IQCE: variants seen among roughly 807,000 people sequenced by gnomAD.
IQCE encodes the protein IQ domain-containing protein E.
Under a neutral mutation model 96.0 loss-of-function variants are expected in IQCE, and 115 were observed. The observed-to-expected ratio is 1.20, with a 90% CI of 1.03 to 1.40. IQCE has a LOEUF of 1.40. Ranked by LOEUF, IQCE falls within the 40% of genes most tolerant of loss-of-function variation. IQCE has a pLI of 0.00. For missense variants in IQCE, 1,041 were observed against 909.1 expected, an observed-to-expected ratio of 1.15 and a Z score of -1.87; for synonymous variants, 412 against 371.2, an observed-to-expected ratio of 1.11 and a Z score of -1.26.
At position 2,586,543 on chromosome 7, in the gene IQCE, C is replaced by T. The variant is rs549698380; in HGVS notation, c.988+172C>T. The stretch of plus-strand genomic sequence containing the variant: ...ACCTGCCGCGGGCCACGCGATGCCC[C>T]GGGGATGGAGCCGCAAACAGAAGCT... On this transcript the variant is annotated intron_variant, in intron 12 of 21. Transcript: ENST00000402050. Among the ~76,000 whole-genome samples the T allele has an allele frequency of 3.6e-3, 541 of 152,334 alleles. 4 individuals carry two copies. The highest frequency in any genetic ancestry group is 0.012 in the African/African-American group (508 of 41,574).
At position 2,614,343 on chromosome 7, in the gene IQCE, A is replaced by G. The variant is rs988813523; in HGVS notation, c.*4181A>G. On this transcript the variant is annotated 3_prime_UTR_variant, in exon 22 of 22. Transcript: ENST00000402050. ...CAGCGTTTGCTCTCCCGTGGCTCGG[A>G]TTCTCTGAGGACCAGGGAGTTGACA... 1.8e-4 allele frequency: 27 copies of G among 152,320 alleles called. No homozygotes were observed. Among genetic ancestry groups the G allele is most frequent in the South Asian group, 4.1e-4 (2 of 4,820 alleles). 9.4% of individuals were successfully genotyped at this position (152,320 alleles called of 1,614,324 possible).
chr7:2,605,127 C>T (rs1420439549), intron 19 of IQCE, 136 bp downstream of exon 19: 4 of 642,092 alleles, frequency 6.2e-6, no homozygotes, highest in East Asian at 2.8e-5. Context: ...TGCGCTCCAT[C>T]CCTGGCCACG....
rs748177297 is a variant in IQCE at position 2,584,221 on chromosome 7, A to G, written c.775-15A>G. ...TAGCCTTGTGTTTTCATGCATTTCA[A>G]TTTGGTATTTACAGGTGCATCGTCT... On this transcript the variant is annotated splice_polypyrimidine_tract_variant and intron_variant, in intron 10 of 21. Transcript: ENST00000402050. 5.0e-6 allele frequency: 8 copies of G among 1,612,138 alleles called. No homozygotes were observed. The highest frequency in any genetic ancestry group is 1.6e-4 in the Middle Eastern group (1 of 6,084).
rs550910808 is a variant in IQCE, at chr7:2,563,213, G to A, written c.37-3903G>A. 7.9e-5 allele frequency among the ~76,000 whole-genome samples: 12 copies of A among 152,204 alleles called. No individual in the cohort carries two copies. In the South Asian group the frequency reaches 2.5e-3, roughly 32 times the overall value. ...AGTGTTGGGATTACAGGCATGAGCA[G>A]GTGCTCAGCTTGCTTTTGTTTCTTT... On this transcript the variant is annotated intron_variant, in intron 1 of 21. Transcript: ENST00000402050.
chr7:2,610,223 T>G lies in IQCE; in HGVS notation c.*61T>G. ...CTGCCGAGGACATAGGAACCACGAC[T>G]GGAAAGATAATTTATCGTGTTAGGA... On this transcript the variant is annotated 3_prime_UTR_variant, in exon 22 of 22. Coordinates refer to ENST00000402050, the MANE Select transcript of IQCE (RefSeq NM_152558.5). The G allele has an allele frequency of 1.0e-6, 1 of 954,898 alleles. No homozygotes were observed. The highest frequency in any genetic ancestry group is 1.7e-6 in the Non-Finnish European group (1 of 579,876). 59.2% of individuals were successfully genotyped at this position (954,898 alleles called of 1,614,324 possible).
Position 2,589,889 on chromosome 7 carries a change from T to C in IQCE, c.1045-18T>C, listed in dbSNP as rs202239000. On this transcript the variant is annotated intron_variant, in intron 13 of 21. Transcript: ENST00000402050. ...GAAATGAGAACTAGTATCTAACACA[T>C]GTCTGTGTTGCCTCCAGAAACTAAG... 255 of 1,603,820 alleles carry C rather than the reference T, an allele frequency of 1.6e-4. No individual in the cohort carries two copies. The highest frequency in any genetic ancestry group is 1.9e-4 in the Non-Finnish European group (222 of 1,171,368).
intron 9 of IQCE, among the ~76,000 whole-genome samples, chr7:2,583,408 C>T (rs927405753): frequency 6.6e-6 from 1 of 152,050 alleles, no homozygotes; most frequent in African/African-American, 2.4e-5. Flanking sequence ...TGGAAAGTGG[C>T]TGGTCTACAC....
intron 3 of IQCE, among the ~76,000 whole-genome samples, chr7:2,570,999 A>G (rs962808077): frequency 2.6e-5 from 4 of 152,036 alleles, no homozygotes; most frequent in Non-Finnish European, 5.9e-5. Flanking sequence ...TAGAATTCAT[A>G]TATTTCCCAT....
chr7:2,587,732 G>C, intron 12 of IQCE, 90 bp from the exon 13 acceptor site: 1 of 1,315,348 alleles, frequency 7.6e-7, no homozygotes, highest in Non-Finnish European at 1.1e-6. Context: ...TCCGGCTGCG[G>C]AAGAGGAGCC....
At chr7:2,592,337 A>G (rs958417207) in intron 14 of IQCE, among the ~76,000 whole-genome samples, 1 of 152,214 alleles carries the variant, frequency 6.6e-6, no homozygotes, top group Admixed American at 6.5e-5. Flanking sequence ...AAAAAACATT[A>G]AGGTAGTCAT....
chr7:2,605,880 C>T lies in IQCE; in HGVS notation c.1748C>T (p.Ser583Phe), dbSNP rs746714011. Residue 583 changes from serine (S) to phenylalanine (F), a missense_variant, in exon 20 of 22, where the codon TCT (serine) becomes TTT (phenylalanine). Ser to Phe is a radical substitution (Grantham distance 155). Coordinates refer to ENST00000402050, the MANE Select transcript of IQCE (RefSeq NM_152558.5). ...CCTGCTGTCCTTGCACCCCAGAGCT[C>T]TCCTGTGCCCCGCGTTCCGAGCCCC... Reference protein sequence around the residue: ...PSVPGLPDQSSPVPRVPSPIA... With the variant: ...PSVPGLPDQSFPVPRVPSPIA... 2.5e-6 allele frequency: 4 copies of T among 1,601,034 alleles called. No individual in the cohort carries two copies. Among genetic ancestry groups the T allele is most frequent in the Middle Eastern group, 1.7e-4 (1 of 5,972 alleles).
At chr7:2,595,043 C>A (rs897041736) in intron 16 of IQCE, 67 bp downstream of exon 16, 1 of 1,113,698 alleles carries the variant, frequency 9.0e-7, no homozygotes, top group South Asian at 1.2e-5. Context: ...CGGTTCTGAC[C>A]GTTTCCCTGT....
At chr7:2,602,509 C>T (rs1305993907) in intron 18 of IQCE, among the ~76,000 whole-genome samples, 1 of 152,192 alleles carries the variant, frequency 6.6e-6, no homozygotes, top group East Asian at 1.9e-4. Context: ...CGCTGGGCCA[C>T]AGGGCTTCTC....
Position 2,611,847 on chromosome 7 carries a change from TC to T in IQCE, c.*1687del, listed in dbSNP as rs772379126. 6.6e-6 allele frequency: 1 copy of T among 152,248 alleles called. No individual in the cohort carries two copies. Among genetic ancestry groups the T allele is most frequent in the South Asian group, 2.1e-4 (1 of 4,836 alleles). The allele number at this position is 152,248 out of a possible 1,614,324, so 9.4% of individuals were successfully genotyped here. ...GTGGGTTGCCAAGTCCATTTTTTTT[TC>T]CACTGAACTGGCTGGTAACTTGATG... On this transcript the variant is annotated 3_prime_UTR_variant, in exon 22 of 22. Coordinates refer to ENST00000402050, the MANE Select transcript of IQCE (RefSeq NM_152558.5).
Position 2,608,404 on chromosome 7 carries a change from C to T in IQCE, c.1969+1177C>T, listed in dbSNP as rs555120979. On this transcript the variant is annotated intron_variant, in intron 21 of 21. Transcript: ENST00000402050. ...TGCACGAGCTAAGAACCGTATACCA[C>T]GTTTGACCTGGAAATACCACGTATG... is the stretch of plus-strand genomic sequence containing the variant. Among the ~76,000 whole-genome samples the T allele has an allele frequency of 3.2e-4, 48 of 152,352 alleles. No individual in the cohort carries two copies. In the Middle Eastern group the frequency reaches 0.01, roughly 32 times the overall value.
intron 8 of IQCE, 138 bp from the exon 9 acceptor site, chr7:2,582,442 G>A: frequency 1.4e-6 from 1 of 725,294 alleles, no homozygotes; most frequent in Non-Finnish European, 2.4e-6. Flanking sequence ...TCTTCCCTGG[G>A]CCCGTAGTCT....
rs917185268 is a variant in IQCE at position 2,578,332 on chromosome 7, G to A, written c.556G>A (p.Glu186Lys). 6.2e-7 allele frequency: 1 copy of A among 1,614,136 alleles called. No homozygotes were observed. Among genetic ancestry groups the A allele is most frequent in the Non-Finnish European group, 8.5e-7 (1 of 1,179,968 alleles). ...EENSRKDRQI[E>K]QLLDPSRGTD... Reference sequence around the variant, plus strand: ...AAACAGCAGGAAGGACCGGCAGATAGAGCAGCTCCTGGATCCCAGCCGCGT... The same window carrying A: ...AAACAGCAGGAAGGACCGGCAGATAAAGCAGCTCCTGGATCCCAGCCGCGT... Residue 186 changes from glutamate to lysine, a missense_variant, in exon 7 of 22, where the codon GAG becomes AAG. Physicochemically the swap from Glu to Lys is moderately conservative, Grantham distance 56. Coordinates refer to ENST00000402050, the MANE Select transcript of IQCE (RefSeq NM_152558.5).
intron 5 of IQCE, 106 bp downstream of exon 5, chr7:2,572,432 T>C (rs1781823924): frequency 8.0e-7 from 1 of 1,249,020 alleles, no homozygotes; most frequent in Non-Finnish European, 1.1e-6. Flanking sequence ...TCTGGCTTCG[T>C]GCATGAGCTC....
chr7:2,586,422 TGGCAGGG>T (rs1783120727), intron 12 of IQCE, 51 bp downstream of exon 12: 2 of 1,555,302 alleles, frequency 1.3e-6, no homozygotes, highest in Non-Finnish European at 1.8e-6. Flanking sequence ...TGGCAGGGAA[TGGCAGGG>T]CATGGCCACT....
Sources: allele counts gnomAD v4.1 joint callset (sites outside exome capture counted in the v4.1 genomes callset), GRCh38; gene constraint gnomAD v4.1.1; transcripts MANE v1.5; gene names NCBI Gene and HGNC (gene_info 2026-07-23, HGNC 2026-07-21).